EXOC2: variants seen among roughly 807,000 people sequenced by gnomAD.
EXOC2 encodes SEC5-like 1.
In EXOC2, 70 loss-of-function variants were observed where a neutral mutation model predicts 131.8. The ratio of observed to expected loss-of-function variants is 0.53; its 90% CI spans 0.44 to 0.65. The LOEUF is 0.65. EXOC2 is among the 30% of genes least tolerant of loss of function. The pLI is 0.00. For synonymous variants in EXOC2, 411 were observed against 398.4 expected (o/e 1.03, Z -0.38); for missense variants, 923 against 1,108.6 (o/e 0.83, Z 2.38).
chr6:670,704 T>C (rs1763824422), intron 1 of EXOC2, among the ~76,000 whole-genome samples: 1 of 152,220 alleles, frequency 6.6e-6, no homozygotes, highest in Non-Finnish European at 1.5e-5. Flanking sequence ...CTCTGAATGA[T>C]TGGTCTCAAA....
intron 1 of EXOC2, among the ~76,000 whole-genome samples, chr6:680,787 GA>G (rs2127798018): frequency 6.6e-6 from 1 of 152,288 alleles, no homozygotes; most frequent in Admixed American, 6.5e-5. Flanking sequence ...AAAAAGGGAT[GA>G]AAAAAAGTTA....
chr6:684,264 G>A (rs1764545176), intron 1 of EXOC2, among the ~76,000 whole-genome samples: 1 of 152,126 alleles, frequency 6.6e-6, no homozygotes, highest in African/African-American at 2.4e-5. Context: ...AGTGATGTGT[G>A]GTTTAGAGAA....
chr6:604,742 C>A (rs1760304501), intron 7 of EXOC2, among the ~76,000 whole-genome samples: 1 of 147,256 alleles, frequency 6.8e-6, no homozygotes, highest in African/African-American at 2.6e-5. Context: ...TGCCTCCCTC[C>A]ACTCAGCCAC....
At chr6:642,548 C>G (rs1027944261) in intron 1 of EXOC2, among the ~76,000 whole-genome samples, 8 of 151,936 alleles carry the variant, frequency 5.3e-5, no homozygotes, top group Non-Finnish European at 1.0e-4. Flanking sequence ...AAGCAGATAA[C>G]CGAAATGGAC....
chr6:549,595 T>C (rs1336942977), intron 21 of EXOC2, among the ~76,000 whole-genome samples: 2 of 152,246 alleles, frequency 1.3e-5, no homozygotes, highest in African/African-American at 4.8e-5. Context: ...AGCTGGGAAC[T>C]GGGATCAGTG....
chr6:668,425 C>T, intron 1 of EXOC2, among the ~76,000 whole-genome samples: 1 of 152,200 alleles, frequency 6.6e-6, no homozygotes, highest in Non-Finnish European at 1.5e-5. Flanking sequence ...ATTGCCTGCA[C>T]AGCCCTGTGC....
At chr6:540,331 T>C (rs1164316605) in intron 22 of EXOC2, among the ~76,000 whole-genome samples, 2 of 152,220 alleles carry the variant, frequency 1.3e-5, no homozygotes, top group East Asian at 1.9e-4. Context: ...CTGTTCTCAA[T>C]AGGATAATCT....
chr6:687,518 G>A (rs528648425), intron 1 of EXOC2, among the ~76,000 whole-genome samples: 4 of 152,068 alleles, frequency 2.6e-5, no homozygotes, highest in South Asian at 2.1e-4. Context: ...TACCTAGTCC[G>A]TCAAGATGAT....
chr6:644,019 AATTC>A (rs1227070459), intron 1 of EXOC2, among the ~76,000 whole-genome samples: 1 of 152,194 alleles, frequency 6.6e-6, no homozygotes, highest in East Asian at 1.9e-4. Flanking sequence ...AAATAAATTA[AATTC>A]ATTATCAAAA....
intron 11 of EXOC2, among the ~76,000 whole-genome samples, chr6:580,577 T>C (rs1758834657): frequency 6.6e-6 from 1 of 152,156 alleles, no homozygotes; most frequent in Non-Finnish European, 1.5e-5. Flanking sequence ...TAACTATGTT[T>C]TCATTTGGGC....
intron 1 of EXOC2, among the ~76,000 whole-genome samples, chr6:643,652 A>G (rs1762453248): frequency 6.6e-6 from 1 of 152,110 alleles, no homozygotes; most frequent in East Asian, 1.9e-4. Context: ...AACTCAAAGT[A>G]AAGGGGAAGG....
intron 11 of EXOC2, among the ~76,000 whole-genome samples, chr6:579,466 G>C (rs986567917): frequency 2.0e-5 from 3 of 152,200 alleles, no homozygotes; most frequent in Non-Finnish European, 4.4e-5. Flanking sequence ...AGCTAGAAGA[G>C]CACATGCCCC....
At chr6:658,629 A>AATATATATATATATATTTTATATATAT (rs1194005316) in intron 1 of EXOC2, among the ~76,000 whole-genome samples, 1 of 119,920 alleles carries the variant, frequency 8.3e-6, no homozygotes, top group South Asian at 2.9e-4. Flanking sequence ...GGATATTTAA[A>AATATATATATATATATTTTATATATAT]ATATATATAT....
chr6:512,488 G>A (rs1432120512), intron 23 of EXOC2, among the ~76,000 whole-genome samples: 3 of 152,118 alleles, frequency 2.0e-5, no homozygotes, highest in Non-Finnish European at 2.9e-5. Context: ...TAGTATATAC[G>A]TAAAATATGT....
intron 22 of EXOC2, among the ~76,000 whole-genome samples, chr6:543,297 A>C (rs996563007): frequency 1.4e-4 from 21 of 152,252 alleles, no homozygotes; most frequent in Admixed American, 1.0e-3. Flanking sequence ...AAGAAGAAGG[A>C]AATTCTGTCA....
At chr6:606,115 T>C (rs1350256827) in intron 7 of EXOC2, among the ~76,000 whole-genome samples, 1 of 152,150 alleles carries the variant, frequency 6.6e-6, no homozygotes, top group Non-Finnish European at 1.5e-5. Flanking sequence ...GTGTCCTTCG[T>C]AGGGACATGG....
intron 1 of EXOC2, chr6:657,238 ACTT>A (rs1194280208): frequency 1.3e-5 from 4 of 301,698 alleles, no homozygotes; most frequent in Non-Finnish European, 2.4e-5. Context: ...CACTGCTGAA[ACTT>A]CTTAGTATTC....
At position 527,072 on chromosome 6, in the gene EXOC2, G is replaced by A. The variant is rs73716803; in HGVS notation, c.2380+5397C>T. On this transcript the variant is annotated intron_variant, in intron 23 of 27. Transcript: ENST00000230449. ...TGTGTGTATATAAATGCATGTATAA[G>A]GAATATATGTATAAATTCACATATA... 2.8e-3 allele frequency among the ~76,000 whole-genome samples: 427 copies of A among 152,280 alleles called. 3 individuals carry two copies. Among genetic ancestry groups the A allele is most frequent in the African/African-American group, 9.8e-3 (406 of 41,546 alleles).
chr6:578,210 T>A (rs1436950344), intron 11 of EXOC2, among the ~76,000 whole-genome samples: 2 of 152,194 alleles, frequency 1.3e-5, no homozygotes, highest in African/African-American at 4.8e-5. Flanking sequence ...GGAGTTGTTT[T>A]CAGGTGCTAA....
Sources: allele counts gnomAD v4.1 joint callset (sites outside exome capture counted in the v4.1 genomes callset), GRCh38; gene constraint gnomAD v4.1.1; transcripts MANE v1.5; gene names NCBI Gene and HGNC (gene_info 2026-07-23, HGNC 2026-07-21).